The following SETBP1 variants were observed in gnomAD, a reference collection of about 807,000 sequenced individuals.
SETBP1 encodes SET binding protein 1, also known as SET-binding protein.
In SETBP1, 9 loss-of-function variants were observed where a neutral mutation model predicts 101.0. That is an observed-to-expected ratio of 0.09 (90% CI 0.05 to 0.16). SETBP1 has a LOEUF of 0.16. Among genes scored for constraint, SETBP1 ranks in the 10% least tolerant of loss-of-function variants. The pLI is 1.00. For missense variants in SETBP1, 1,858 were observed against 2,033.8 expected (o/e 0.91, Z 1.66); for synonymous variants, 818 against 788.5 (o/e 1.04, Z -0.63).
chr18:44,684,979 T>C (rs1035176431), intron 1 of SETBP1, among the ~76,000 whole-genome samples: 1 of 152,130 alleles, frequency 6.6e-6, no homozygotes, highest in African/African-American at 2.4e-5. Flanking sequence ...GCCGTTAGCT[T>C]AGAAACCAGC....
chr18:44,983,969 TGAG>T (rs2072171735), intron 4 of SETBP1, among the ~76,000 whole-genome samples: 1 of 152,152 alleles, frequency 6.6e-6, no homozygotes, highest in Non-Finnish European at 1.5e-5. Flanking sequence ...TTTGGGAGGC[TGAG>T]GCAGGTGGAT....
chr18:45,034,352 A>G (rs2073353581), intron 4 of SETBP1, among the ~76,000 whole-genome samples: 1 of 152,216 alleles, frequency 6.6e-6, no homozygotes, highest in Non-Finnish European at 1.5e-5. Flanking sequence ...CTGAGCTCCA[A>G]GTAACCAAGG....
chr18:44,869,312 T>C, intron 3 of SETBP1, 29 bp downstream of exon 3: 2 of 1,606,944 alleles, frequency 1.2e-6, no homozygotes, highest in Non-Finnish European at 1.7e-6. Flanking sequence ...TTTAAGAAGT[T>C]TGGAAGAGTA....
At chr18:44,927,917 G>A (rs2070740589) in intron 3 of SETBP1, among the ~76,000 whole-genome samples, 1 of 152,134 alleles carries the variant, frequency 6.6e-6, no homozygotes, top group South Asian at 2.1e-4. Flanking sequence ...CACTTCCAAT[G>A]TGTTCTGTGA....
intron 4 of SETBP1, among the ~76,000 whole-genome samples, chr18:45,026,798 A>ATGTG (rs150865752): frequency 4.6e-5 from 7 of 151,280 alleles, no homozygotes; most frequent in Non-Finnish European, 1.0e-4. Context: ...CTTCTGTAGC[A>ATGTG]TGTGTGTGTG....
intron 1 of SETBP1, among the ~76,000 whole-genome samples, chr18:44,697,886 G>A (rs140710926): frequency 3.2e-4 from 49 of 152,232 alleles, no homozygotes; most frequent in African/African-American, 1.2e-3. Flanking sequence ...TCATTCCTTC[G>A]TGCAACAAAC....
chr18:44,869,536 T>G, intron 3 of SETBP1: 1 of 457,702 alleles, frequency 2.2e-6, no homozygotes, highest in Non-Finnish European at 4.0e-6. Flanking sequence ...GAGATCAAGA[T>G]GCTCGGAATG....
chr18:44,914,123 A>G (rs187279771), intron 3 of SETBP1, among the ~76,000 whole-genome samples: 25 of 152,326 alleles, frequency 1.6e-4, no homozygotes, highest in Admixed American at 1.2e-3. Context: ...ACTCCCAGAC[A>G]CGCCTTTCTT....
At chr18:44,929,583 C>T (rs2144981660) in intron 3 of SETBP1, among the ~76,000 whole-genome samples, 1 of 152,246 alleles carries the variant, frequency 6.6e-6, no homozygotes, top group African/African-American at 2.4e-5. Context: ...AATGTTCTTC[C>T]ATCTGTTTGT....
chr18:44,788,715 C>T (rs2071300816), intron 2 of SETBP1, among the ~76,000 whole-genome samples: 1 of 150,170 alleles, frequency 6.7e-6, no homozygotes, highest in South Asian at 2.1e-4. Flanking sequence ...GTAAAACTAT[C>T]AGTCATGAAA....
intron 5 of SETBP1, 149 bp downstream of exon 5, chr18:45,038,804 C>T: frequency 1.3e-6 from 1 of 773,870 alleles, no homozygotes; most frequent in South Asian, 1.6e-5. Context: ...TCAGCACTGG[C>T]TCTTTGAAGT....
At chr18:44,792,884 G>A (rs1395705204) in intron 2 of SETBP1, among the ~76,000 whole-genome samples, 1 of 152,120 alleles carries the variant, frequency 6.6e-6, no homozygotes, top group Non-Finnish European at 1.5e-5. Flanking sequence ...TTTATCCCAG[G>A]GAAGCCAAGT....
At chr18:44,685,565 C>A (rs1256015649) in intron 1 of SETBP1, among the ~76,000 whole-genome samples, 1 of 152,086 alleles carries the variant, frequency 6.6e-6, no homozygotes, top group Non-Finnish European at 1.5e-5. Context: ...AGTTAAATGA[C>A]CCCTGGCAAG....
At chr18:44,905,090 A>C (rs2070141869) in intron 3 of SETBP1, among the ~76,000 whole-genome samples, 1 of 152,216 alleles carries the variant, frequency 6.6e-6, no homozygotes, top group East Asian at 1.9e-4. Flanking sequence ...AAAGTATAAG[A>C]GACCACAATT....
intron 4 of SETBP1, among the ~76,000 whole-genome samples, chr18:45,013,756 C>T (rs1417663227): frequency 6.6e-6 from 1 of 152,194 alleles, no homozygotes; most frequent in African/African-American, 2.4e-5. Flanking sequence ...TTCTGAGCAG[C>T]AGCCACTGAG....
In SETBP1 at chr18:45,038,609, C is replaced by T; in HGVS notation, c.4125C>T (p.Ala1375=). The change falls in exon 5 of 6, where the codon GCC becomes GCT. Residue 1375 remains alanine, a synonymous_variant. Coordinates refer to ENST00000649279, the MANE Select transcript of SETBP1 (RefSeq NM_015559.3). ...AAVDSVTIPP[A]PVLSLLAASA... Reference sequence around the variant, plus strand: ...TTGACAGTGTTACAATTCCACCAGCCCCAGTGTTATCTCTCCTTGCTGCAT... The same window carrying T: ...TTGACAGTGTTACAATTCCACCAGCTCCAGTGTTATCTCTCCTTGCTGCAT... The T allele has an allele frequency of 6.2e-7, 1 of 1,614,174 alleles. No homozygotes were observed. Among genetic ancestry groups the T allele is most frequent in the Non-Finnish European group, 8.5e-7 (1 of 1,180,022 alleles).
At chr18:44,709,202 C>T (rs2069287801) in intron 2 of SETBP1, among the ~76,000 whole-genome samples, 1 of 151,938 alleles carries the variant, frequency 6.6e-6, no homozygotes, top group Non-Finnish European at 1.5e-5. Context: ...CTCTTTGGAC[C>T]CCCCCAAGGA....
chr18:44,896,710 G>A (rs916422586), intron 3 of SETBP1, among the ~76,000 whole-genome samples: 3 of 152,012 alleles, frequency 2.0e-5, no homozygotes, highest in Non-Finnish European at 4.4e-5. Flanking sequence ...GGATGATCTC[G>A]GCCTCCCAAA....
chr18:44,831,253 C>T (rs1025390164), intron 2 of SETBP1, among the ~76,000 whole-genome samples: 1 of 152,200 alleles, frequency 6.6e-6, no homozygotes, highest in African/African-American at 2.4e-5. Context: ...TTATTTTAGA[C>T]ATAATACTTT....
Sources: gnomAD v4.1 joint callset for allele counts (sites outside exome capture counted in the v4.1 genomes callset) on GRCh38, gnomAD v4.1.1 for gene constraint, MANE v1.5 for transcripts, NCBI Gene and HGNC (gene_info 2026-07-23, HGNC 2026-07-21) for gene names.